Variants in SARNP observed in about 807,000 individuals in gnomAD.
SARNP encodes the protein SAP domain-containing ribonucleoprotein.
A neutral mutation model predicts 38.1 loss-of-function variants in SARNP; 5 were observed. The ratio of observed to expected loss-of-function variants is 0.13; its 90% confidence interval spans 0.07 to 0.28. The LOEUF (loss-of-function observed/expected upper bound fraction) is 0.28. Ranked by LOEUF, SARNP falls within the 10% of genes least tolerant of loss-of-function variation. SARNP has a pLI of 1.00. For synonymous variants in SARNP, 84 were observed against 80.6 expected (o/e 1.04, Z -0.23); for missense variants, 180 against 243.9 (o/e 0.74, Z 1.75).
chr12:55,781,698 T>C (rs1439211954), intron 9 of SARNP, among the ~76,000 whole-genome samples: 1 of 152,168 alleles, frequency 6.6e-6, no homozygotes, highest in Non-Finnish European at 1.5e-5. Flanking sequence ...AATATTCTAG[T>C]TTATTTTCAA....
rs1053364597 is a variant in SARNP, at chr12:55,760,290, C to T, written c.591+261G>A. On this transcript the variant is annotated intron_variant, in intron 10 of 10. Coordinates refer to ENST00000336133, the MANE Select transcript of SARNP (RefSeq NM_033082.4). The stretch of plus-strand genomic sequence containing the variant: ...CTGAGTGCAGAGGATCGCTTGAGCC[C>T]AGGAGTTTGAGACCAGCCTGAGCAA... 11 of 467,650 alleles carry T rather than the reference C, an allele frequency of 2.4e-5. No individual in the cohort carries two copies. The East Asian group carries it at 3.2e-4, about 14-fold the overall frequency. 29.0% of individuals were successfully genotyped at this position (467,650 alleles called of 1,614,324 possible).
chr12:55,778,896 G>A (rs1472446718), intron 9 of SARNP, among the ~76,000 whole-genome samples: 1 of 152,170 alleles, frequency 6.6e-6, no homozygotes, highest in African/African-American at 2.4e-5. Flanking sequence ...ACTTGAACCT[G>A]AGAGGCAGAG....
intron 9 of SARNP, among the ~76,000 whole-genome samples, chr12:55,769,520 T>TA (rs769084712): frequency 3.3e-5 from 5 of 152,244 alleles, no homozygotes; most frequent in Admixed American, 6.5e-5. Context: ...GCTAGCTTTT[T>TA]ACCTTCTGAA....
At chr12:55,756,062 C>T (rs185519202), downstream of SARNP, 24 of 152,270 alleles carry the variant, frequency 1.6e-4, no homozygotes, top group Admixed American at 1.5e-3. Flanking sequence ...TCTATAATCT[C>T]TCAAGTTACA....
rs1272000602 is a variant in SARNP at position 55,757,423 on chromosome 12, A to T, written c.*89T>A. 1 of 1,159,142 alleles carries T rather than the reference A, an allele frequency of 8.6e-7. No homozygotes were observed. The highest frequency in any genetic ancestry group is 1.5e-5 in the African/African-American group (1 of 65,034). The allele number at this position is 1,159,142 out of a possible 1,614,324, so 71.8% of individuals were successfully genotyped here. On this transcript the variant is annotated 3_prime_UTR_variant, in exon 11 of 11. Coordinates refer to ENST00000336133, the MANE Select transcript of SARNP (RefSeq NM_033082.4). Reference sequence around the variant, plus strand: ...CCTCATTGCGAGGCAGGACGTAGGCACATGACTGTGCATTTAGGCATATAT... The same window carrying T: ...CCTCATTGCGAGGCAGGACGTAGGCTCATGACTGTGCATTTAGGCATATAT...
chr12:55,783,361 A>C (rs1170516434), intron 9 of SARNP, among the ~76,000 whole-genome samples: 1 of 151,870 alleles, frequency 6.6e-6, no homozygotes, highest in African/African-American at 2.4e-5. Context: ...CTTATGAGAA[A>C]AGTCATGCCA....
chr12:55,773,150 A>T (rs1879062718), intron 9 of SARNP, among the ~76,000 whole-genome samples: 1 of 152,204 alleles, frequency 6.6e-6, no homozygotes, highest in Non-Finnish European at 1.5e-5. Context: ...TAAAGTATTT[A>T]AAAATGCAGA....
At chr12:55,772,127 A>G (rs1403872135) in intron 9 of SARNP, among the ~76,000 whole-genome samples, 5 of 152,162 alleles carry the variant, frequency 3.3e-5, no homozygotes, top group Non-Finnish European at 7.3e-5. Context: ...ACAGAGCTTA[A>G]GTAGATGAAG....
intron 9 of SARNP, among the ~76,000 whole-genome samples, chr12:55,767,383 C>CAA (rs762337868): frequency 1.1e-4 from 14 of 131,164 alleles, no homozygotes; most frequent in African/African-American, 2.0e-4. Context: ...CCATCTCTAC[C>CAA]AAAAAAAAAA....
At chr12:55,787,699 G>T (rs1879543552) in intron 9 of SARNP, among the ~76,000 whole-genome samples, 1 of 151,296 alleles carries the variant, frequency 6.6e-6, no homozygotes, top group Non-Finnish European at 1.5e-5. Flanking sequence ...GCCTCCCAAA[G>T]TGCTGGGATT....
At chr12:55,800,737 C>T in intron 3 of SARNP, 108 bp from the exon 4 acceptor site, 2 of 1,254,718 alleles carry the variant, frequency 1.6e-6, no homozygotes, top group East Asian at 2.3e-5. Context: ...AACCTTCATA[C>T]CCATCTTATG....
At chr12:55,784,434 T>C (rs1026760869) in intron 9 of SARNP, among the ~76,000 whole-genome samples, 1 of 152,168 alleles carries the variant, frequency 6.6e-6, no homozygotes, top group African/African-American at 2.4e-5. Flanking sequence ...CATCAGACAA[T>C]GTACCCAGCT....
intron 10 of SARNP, among the ~76,000 whole-genome samples, chr12:55,758,653 AAAG>A (rs933374635): frequency 6.6e-6 from 1 of 152,102 alleles, no homozygotes; most frequent in African/African-American, 2.4e-5. Context: ...TCAAAAAAAA[AAAG>A]AAGCTTTTCA....
chr12:55,772,392 C>T (rs945989338), intron 9 of SARNP, among the ~76,000 whole-genome samples: 1 of 152,094 alleles, frequency 6.6e-6, no homozygotes, highest in African/African-American at 2.4e-5. Flanking sequence ...GATTTGAAGC[C>T]CAAGAACACA....
chr12:55,766,449 A>G (rs1878831008), intron 9 of SARNP, among the ~76,000 whole-genome samples: 1 of 152,134 alleles, frequency 6.6e-6, no homozygotes, highest in South Asian at 2.1e-4. Context: ...GCCAACCGAC[A>G]GATGCCAGTA....
chr12:55,811,202 A>C (rs1378176781), intron 1 of SARNP, among the ~76,000 whole-genome samples: 1 of 152,200 alleles, frequency 6.6e-6, no homozygotes, highest in Non-Finnish European at 1.5e-5. Flanking sequence ...AAATCCTTAC[A>C]AGGAACCTAA....
intron 1 of SARNP, chr12:55,815,939 T>G (rs1880469734): frequency 6.6e-6 from 1 of 152,190 alleles, no homozygotes; most frequent in South Asian, 2.1e-4. Context: ...TAAGAAGTGC[T>G]CTAGAGAAAA....
chr12:55,777,587 G>A (rs188170321), intron 9 of SARNP, among the ~76,000 whole-genome samples: 14 of 152,140 alleles, frequency 9.2e-5, no homozygotes, highest in Non-Finnish European at 1.5e-5. Context: ...TGTTAGCCAG[G>A]ATGTTCTCGA....
At chr12:55,791,092 G>A (rs562711894) in intron 7 of SARNP, among the ~76,000 whole-genome samples, 1 of 152,154 alleles carries the variant, frequency 6.6e-6, no homozygotes, top group Admixed American at 6.5e-5. Flanking sequence ...AGTCACAAAA[G>A]ACAATACACT....
Sources: allele counts gnomAD v4.1 joint callset (sites outside exome capture counted in the v4.1 genomes callset), GRCh38; gene constraint gnomAD v4.1.1; transcripts MANE v1.5; gene names NCBI Gene and HGNC (gene_info 2026-07-23, HGNC 2026-07-21).